The following SLC8B1 variants were observed in gnomAD, a reference collection of about 807,000 sequenced individuals.
SLC8B1 encodes mitochondrial sodium/calcium exchanger protein.
Under a neutral mutation model 63.4 loss-of-function variants are expected in SLC8B1, and 52 were observed. That is an observed-to-expected ratio of 0.82 (90% CI 0.66 to 1.03). The LOEUF is 1.03. SLC8B1 is among the 50% of genes least tolerant of loss of function. The pLI is 0.00. For synonymous variants in SLC8B1, 336 were observed against 323.9 expected (o/e 1.04, Z -0.40); for missense variants, 657 against 741.7 (o/e 0.89, Z 1.33).
In SLC8B1 at chr12:113,320,553, C is replaced by A. The variant is rs754295968; in HGVS notation, c.526+28G>T. The A allele has an allele frequency of 2.8e-5, 45 of 1,613,774 alleles. No individual in the cohort carries two copies. Among genetic ancestry groups the A allele is most frequent in the Non-Finnish European group, 3.7e-5 (44 of 1,179,972 alleles). On this transcript the variant is annotated intron_variant, in intron 6 of 15. Transcript: ENST00000680972. This position sits in a 1 kb window ranked among gnomAD's most constrained non-coding sequence, Gnocchi z 5.3. The stretch of plus-strand genomic sequence containing the variant: ...CCTGCACCCTCTCCTGCTGCTTTCC[C>A]CGCCCCCCTCACTGGGGCTGCTCTC...
rs546194492 is a variant in SLC8B1, at chr12:113,310,867, A to G, written c.1136-512T>C. On this transcript the variant is annotated intron_variant, in intron 11 of 15. Transcript: ENST00000680972. ...AGACACCCTAAGGTGAGAACACTCT[A>G]GAATTCTCCACACATCACCCTTTTC... Among the ~76,000 whole-genome samples the G allele has an allele frequency of 2.0e-5, 3 of 152,384 alleles. No homozygotes were observed. The East Asian group carries it at 5.8e-4, about 29-fold the overall frequency.
At chr12:113,307,110 CAAAAAAAAAAAAAAAAAAAAAAAAAA>C (rs67032040) in intron 13 of SLC8B1, among the ~76,000 whole-genome samples, 8 of 18,208 alleles carry the variant, frequency 4.4e-4, no homozygotes, top group South Asian at 3.5e-3. Flanking sequence ...GCCTCCATCT[CAAAAAAAAAAAAAAAAAAAAAAAAAA>C]AAAAAAAAAA....
In SLC8B1 at chr12:113,301,288, C is replaced by A. The variant is rs1007409375; in HGVS notation, c.1558-1314G>T. 1.4e-4 allele frequency among the ~76,000 whole-genome samples: 21 copies of A among 146,208 alleles called. 1 individual carries two copies. Among genetic ancestry groups the A allele is most frequent in the African/African-American group, 5.3e-4 (21 of 39,520 alleles). ...CTATCATACAAGTCTTTTAACTGTT[C>A]TATGTTTGAGTTTTCATAATAAAAT... On this transcript the variant is annotated intron_variant, in intron 15 of 15. Transcript: ENST00000680972.
chr12:113,310,202 C>CA (rs1956737216), intron 12 of SLC8B1, 32 bp downstream of exon 12: 4 of 1,606,652 alleles, frequency 2.5e-6, no homozygotes, highest in Non-Finnish European at 3.4e-6. Context: ...AGCATCCCTC[C>CA]CCCCCCATCT....
chr12:113,312,677 G>C (rs895423990), intron 11 of SLC8B1, among the ~76,000 whole-genome samples: 9 of 152,114 alleles, frequency 5.9e-5, no homozygotes, highest in Non-Finnish European at 1.2e-4. Context: ...CCCCAGGGTG[G>C]ACCTGCTACC....
rs144779253 is a variant in SLC8B1 at position 113,330,162 on chromosome 12, A to AG, written c.156+2560dup. On this transcript the variant is annotated intron_variant, in intron 2 of 15. Transcript: ENST00000680972. ...ATGACCCCACTAGAGTATAAGCTCC[A>AG]GGGGGGCAGGGACCAGGCTCTCTGC... 8.7e-3 allele frequency among the ~76,000 whole-genome samples: 1,328 copies of AG among 152,318 alleles called. 25 individuals carry two copies. The highest frequency in any genetic ancestry group is 0.03 in the African/African-American group (1,250 of 41,578).
rs1314816341 is a variant in SLC8B1 at position 113,320,399 on chromosome 12, T to C, written c.626A>G (p.Tyr209Cys). 3 of 1,614,104 alleles carry C rather than the reference T, an allele frequency of 1.9e-6. No individual in the cohort carries two copies. The Admixed American group carries it at 5.0e-5, about 27-fold the overall frequency. ...SRPFFRDIVF[Y>C]MVAVFLTFLM... ...GAAGGTCAGGAACACAGCCACCATGTAGAAAACGATGTCCCTGAAGAAGGG... is the reference window on the plus strand; with the variant it reads ...GAAGGTCAGGAACACAGCCACCATGCAGAAAACGATGTCCCTGAAGAAGGG... The change falls in exon 7 of 16, where the codon TAC becomes TGC. Residue 209 changes from tyrosine (Y) to cysteine (C), a missense_variant. By Grantham distance (194) the Tyr-to-Cys change is radical. Coordinates refer to ENST00000680972, the MANE Select transcript of SLC8B1 (RefSeq NM_001358345.2). This position sits in a 1 kb window ranked among gnomAD's most constrained non-coding sequence, Gnocchi z 5.3.
chr12:113,322,068 T>G (rs1456312314), intron 2 of SLC8B1, among the ~76,000 whole-genome samples: 2 of 151,946 alleles, frequency 1.3e-5, no homozygotes, highest in Non-Finnish European at 1.5e-5. Flanking sequence ...CATGGTGATG[T>G]GCACTTGTAG....
At position 113,320,888 on chromosome 12, in the gene SLC8B1, CCGA is replaced by C. The variant is rs764770532; in HGVS notation, c.379_381del (p.Ser127del). The C allele has an allele frequency of 2.4e-5, 38 of 1,606,616 alleles. No individual in the cohort carries two copies. The highest frequency in any genetic ancestry group is 6.9e-5 in the Admixed American group (4 of 58,152). ...GAGAGCTTCAGTGTGGTAGAAATGG[CCGA>C]CAAGTTGGGGCAGAAACTACGGAGA... On this transcript the variant is annotated inframe_deletion, in exon 5 of 16. Transcript: ENST00000680972. The surrounding 1 kb of genome is among the most constrained non-coding windows in gnomAD (Gnocchi z 5.3).
intron 15 of SLC8B1, among the ~76,000 whole-genome samples, chr12:113,303,793 G>T (rs974037926): frequency 6.6e-6 from 1 of 152,054 alleles, no homozygotes; most frequent in African/African-American, 2.4e-5. Flanking sequence ...TGGCCCTTCC[G>T]CTGCGTGCTT....
intron 15 of SLC8B1, among the ~76,000 whole-genome samples, chr12:113,301,493 C>A (rs541939936): frequency 6.6e-6 from 1 of 151,938 alleles, no homozygotes; most frequent in Non-Finnish European, 1.5e-5. Flanking sequence ...TCTGCCACCA[C>A]GCCTGGCTAA....
At chr12:113,325,421 T>A (rs976584468) in intron 2 of SLC8B1, among the ~76,000 whole-genome samples, 5 of 152,046 alleles carry the variant, frequency 3.3e-5, no homozygotes, top group Non-Finnish European at 5.9e-5. Flanking sequence ...ACCCAGTTAA[T>A]TTTTTTAAAA....
chr12:113,303,824 G>A (rs1428300063), intron 15 of SLC8B1, among the ~76,000 whole-genome samples: 2 of 152,120 alleles, frequency 1.3e-5, no homozygotes, highest in Admixed American at 6.6e-5. Context: ...CTCAGCTGGT[G>A]TCATCAATCT....
Position 113,305,845 on chromosome 12 carries a change from G to A in SLC8B1, c.1492+650C>T, listed in dbSNP as rs921477722. ...AGGCTGAGGCTGGCAGATCACTTGA[G>A]GTCAGGAGTTTGAGAACAGCCTGGC... On this transcript the variant is annotated intron_variant, in intron 14 of 15. Transcript: ENST00000680972. This position sits in a 1 kb window ranked among gnomAD's most constrained non-coding sequence, Gnocchi z 4.3. 6.6e-6 allele frequency among the ~76,000 whole-genome samples: 1 copy of A among 152,022 alleles called. No homozygotes were observed. The highest frequency in any genetic ancestry group is 6.6e-5 in the Admixed American group (1 of 15,256).
chr12:113,298,933 TC>T lies in SLC8B1; in HGVS notation c.*843del, dbSNP rs1392174826. On this transcript the variant is annotated 3_prime_UTR_variant, in exon 16 of 16. Transcript: ENST00000680972. ...GCACGAGGTCCCCTCATCTGTCCTT[TC>T]CCAGCTCGCAGGCCTTGGAACCCCG... The T allele has an allele frequency of 6.6e-6, 1 of 152,280 alleles. No homozygotes were observed. Among genetic ancestry groups the T allele is most frequent in the Non-Finnish European group, 1.5e-5 (1 of 68,094 alleles). The allele number at this position is 152,280 out of a possible 1,614,324, so 9.4% of individuals were successfully genotyped here.
intron 11 of SLC8B1, among the ~76,000 whole-genome samples, chr12:113,312,961 A>C (rs142929326): frequency 0.014 from 2,105 of 151,902 alleles, 43 homozygotes; most frequent in African/African-American, 0.048. Flanking sequence ...GCTGGAGTGC[A>C]GGGGTGCAAT....
At chr12:113,304,460 TGTTCATCCCCAGGGCTTGGGATGCCA>T in intron 14 of SLC8B1, 75 bp from the exon 15 acceptor site, 1 of 1,383,650 alleles carries the variant, frequency 7.2e-7, no homozygotes, top group Non-Finnish European at 1.0e-6. Context: ...CCTCCTACTG[TGTTCATCCCCAGGGCTTGGGATGCCA>T]CTGCAAGAAT....
At chr12:113,303,249 C>T (rs867677856) in intron 15 of SLC8B1, among the ~76,000 whole-genome samples, 1 of 152,124 alleles carries the variant, frequency 6.6e-6, no homozygotes, top group Non-Finnish European at 1.5e-5. Flanking sequence ...ACCTATTAAA[C>T]CCATAAAGAG....
In SLC8B1 at chr12:113,299,302, TC is replaced by T. The variant is rs1022295112; in HGVS notation, c.*474del. On this transcript the variant is annotated 3_prime_UTR_variant, in exon 16 of 16. Transcript: ENST00000680972. ...GGAGCTCAGCCCTCGGCGGCCTGAT[TC>T]CCAGGGGTCCAAGCCACCCTCATTC... 25 of 178,712 alleles carry T rather than the reference TC, an allele frequency of 1.4e-4. No homozygotes were observed. Among genetic ancestry groups the T allele is most frequent in the Middle Eastern group, 2.8e-3 (1 of 360 alleles). The allele number at this position is 178,712 out of a possible 1,614,324, so 11.1% of individuals were successfully genotyped here.
Sources: allele counts gnomAD v4.1 joint callset (sites outside exome capture counted in the v4.1 genomes callset), GRCh38; gene constraint gnomAD v4.1.1; non-coding constraint Gnocchi (gnomAD v3.1); transcripts MANE v1.5; gene names NCBI Gene and HGNC (gene_info 2026-07-23, HGNC 2026-07-21).